The following ADD1 variants were observed in gnomAD, a reference collection of about 807,000 sequenced individuals.
ADD1 encodes adducin 1.
In ADD1, 24 loss-of-function variants were observed where a neutral mutation model predicts 80.5. That is an observed-to-expected ratio of 0.30 (90% confidence interval 0.22 to 0.42). The LOEUF is 0.42. Ranked by LOEUF, ADD1 falls within the 10% of genes least tolerant of loss-of-function variation. ADD1 has a pLI of 1.00. For missense variants in ADD1, 948 were observed against 1,019.0 expected, an observed-to-expected ratio of 0.93 and a Z score of 0.95; for synonymous variants, 373 against 393.8, an observed-to-expected ratio of 0.95 and a Z score of 0.63.
At chr4:2,895,671 C>T (rs932492064) in intron 6 of ADD1, among the ~76,000 whole-genome samples, 3 of 152,168 alleles carry the variant, frequency 2.0e-5, no homozygotes, top group Admixed American at 6.5e-5. Context: ...CAGGAACCCT[C>T]CTCCTCAGCT....
intron 10 of ADD1, 37 bp downstream of exon 10, chr4:2,905,145 T>C: frequency 6.3e-7 from 1 of 1,598,026 alleles, no homozygotes; most frequent in Non-Finnish European, 8.6e-7. Flanking sequence ...TTAGATGACG[T>C]AGAGCAAGTT....
At chr4:2,852,230 CCTTTCTTT>C (rs750995674) in intron 1 of ADD1, among the ~76,000 whole-genome samples, 1 of 120,260 alleles carries the variant, frequency 8.3e-6, no homozygotes, top group Admixed American at 8.4e-5. Context: ...TCCTTTCTTT[CCTTTCTTT>C]CTTTCTTTCT....
chr4:2,883,045 T>C (rs2108937028), intron 3 of ADD1, among the ~76,000 whole-genome samples: 1 of 152,280 alleles, frequency 6.6e-6, no homozygotes, highest in Non-Finnish European at 1.5e-5. Flanking sequence ...TTATTTTTAG[T>C]AGAGACGGAT....
chr4:2,883,167 C>T (rs186476876), intron 3 of ADD1, among the ~76,000 whole-genome samples: 306 of 152,204 alleles, frequency 2.0e-3, no homozygotes, highest in African/African-American at 6.6e-3. Context: ...TGGCCCATTT[C>T]GTCTGTATTA....
chr4:2,924,269 G>C (rs1031540775), intron 14 of ADD1, among the ~76,000 whole-genome samples: 8 of 152,222 alleles, frequency 5.3e-5, no homozygotes, highest in Non-Finnish European at 1.0e-4. Context: ...GAAATGTTGA[G>C]AACTAATGAG....
chr4:2,862,082 T>TG (rs545518557), intron 1 of ADD1, among the ~76,000 whole-genome samples: 5 of 151,930 alleles, frequency 3.3e-5, no homozygotes, highest in Admixed American at 6.5e-5. Context: ...CTCAGGGTAC[T>TG]GGGGCAGCCC....
intron 1 of ADD1, among the ~76,000 whole-genome samples, chr4:2,860,345 A>G (rs1263358): frequency 0.017 from 2,567 of 152,308 alleles, 58 homozygotes; most frequent in African/African-American, 0.05. Context: ...ACAAAACCCA[A>G]TTTGATATGC....
At chr4:2,905,164 G>C in intron 10 of ADD1, 56 bp downstream of exon 10, 1 of 1,562,090 alleles carries the variant, frequency 6.4e-7, no homozygotes, top group Non-Finnish European at 8.8e-7. Flanking sequence ...TTGGGTAGCT[G>C]GGGCTTCGGA....
intron 14 of ADD1, 149 bp from the exon 15 acceptor site, chr4:2,925,865 C>T (rs1740877963): frequency 3.3e-6 from 2 of 614,946 alleles, no homozygotes; most frequent in Admixed American, 3.0e-5. Flanking sequence ...TTCCTTTATC[C>T]TCTCTTGGAG....
chr4:2,867,789 C>T (rs1376850833), intron 1 of ADD1: 1 of 152,124 alleles, frequency 6.6e-6, no homozygotes, highest in East Asian at 1.9e-4. Context: ...TTTGAGACAT[C>T]CTGATTGTCA....
chr4:2,895,639 G>A (rs1013734541), intron 6 of ADD1, among the ~76,000 whole-genome samples: 4 of 152,090 alleles, frequency 2.6e-5, no homozygotes, highest in Non-Finnish European at 4.4e-5. Context: ...AGGCTGTTAC[G>A]AGGCTTAGCT....
In ADD1 at chr4:2,916,395, C is replaced by T. The variant is rs182065321; in HGVS notation, c.1948+1355C>T. On this transcript the variant is annotated intron_variant, in intron 14 of 15. Transcript: ENST00000683351. ...ATTTTTAGTAGAGATGGGGTTTCAC[C>T]ATGTTGGCCAGGACGGTCTCAATGT... Among the ~76,000 whole-genome samples, 167 of 151,914 alleles carry T rather than the reference C, an allele frequency of 1.1e-3. 1 individual carries two copies. The highest frequency in any genetic ancestry group is 3.6e-3 in the Admixed American group (55 of 15,238).
chr4:2,889,982 T>G (rs1734027097), intron 4 of ADD1, among the ~76,000 whole-genome samples: 1 of 152,080 alleles, frequency 6.6e-6, no homozygotes, highest in Admixed American at 6.5e-5. Flanking sequence ...GCACATCCCT[T>G]GAGGCCAGGA....
intron 1 of ADD1, among the ~76,000 whole-genome samples, chr4:2,860,187 T>G (rs1030446335): frequency 6.6e-6 from 1 of 152,330 alleles, no homozygotes; most frequent in Non-Finnish European, 1.5e-5. Flanking sequence ...TTTCTTCTTT[T>G]CTTATTGTCC....
chr4:2,883,087 C>T (rs1732639570), intron 3 of ADD1, among the ~76,000 whole-genome samples: 1 of 152,170 alleles, frequency 6.6e-6, no homozygotes, highest in Non-Finnish European at 1.5e-5. Flanking sequence ...GTCTCAAACT[C>T]CTGACCACAA....
rs551474708 is a variant in ADD1, at chr4:2,849,353, T to C, written c.-21+5329T>C. On this transcript the variant is annotated intron_variant, in intron 1 of 15. Coordinates refer to ENST00000683351, the MANE Select transcript of ADD1 (RefSeq NM_001354761.2). Reference sequence around the variant, plus strand: ...GGGTTCATACAATTGATCTGAGCAATATATGCCTCCAAAATACTGTTATCT... The same window carrying C: ...GGGTTCATACAATTGATCTGAGCAACATATGCCTCCAAAATACTGTTATCT... Among the ~76,000 whole-genome samples, 10 of 152,286 alleles carry C rather than the reference T, an allele frequency of 6.6e-5. No homozygotes were observed. The South Asian group carries it at 2.1e-3, about 32-fold the overall frequency.
At chr4:2,883,614 A>G (rs759833069) in intron 3 of ADD1, among the ~76,000 whole-genome samples, 70 of 151,458 alleles carry the variant, frequency 4.6e-4, no homozygotes, top group Middle Eastern at 6.8e-3. Context: ...GCTCACTACA[A>G]CCTTGAACTC....
rs1577508748 is a variant in ADD1 at position 2,875,073 on chromosome 4, T to A, written c.-20-823T>A. Among the ~76,000 whole-genome samples the A allele has an allele frequency of 1.3e-5, 2 of 152,058 alleles. 1 individual carries two copies. The highest frequency in any genetic ancestry group is 4.1e-4 in the South Asian group (2 of 4,826). On this transcript the variant is annotated intron_variant, in intron 1 of 15. Coordinates refer to ENST00000683351, the MANE Select transcript of ADD1 (RefSeq NM_001354761.2). ...GATACCCCCATCTCTACAAAATTTTTAAAAAATTCGCCGGGCATGGCGGTG... is the reference window on the plus strand; with the variant it reads ...GATACCCCCATCTCTACAAAATTTTAAAAAAATTCGCCGGGCATGGCGGTG...
intron 8 of ADD1, 151 bp from the exon 9 acceptor site, chr4:2,899,108 T>C: frequency 3.8e-6 from 3 of 787,630 alleles, no homozygotes; most frequent in African/African-American, 1.7e-5. Flanking sequence ...GAAAGTAACT[T>C]TGTGATCAGT....
Sources: allele counts gnomAD v4.1 joint callset (sites outside exome capture counted in the v4.1 genomes callset), GRCh38; gene constraint gnomAD v4.1.1; transcripts MANE v1.5; gene names NCBI Gene and HGNC (gene_info 2026-07-23, HGNC 2026-07-21).